Variants in FAM228A observed in about 807,000 individuals in gnomAD.
FAM228A encodes the protein protein FAM228A.
Under a neutral mutation model 18.6 loss-of-function variants are expected in FAM228A, and 13 were observed. The ratio of observed to expected loss-of-function variants is 0.70; its 90% confidence interval spans 0.45 to 1.11. The LOEUF (loss-of-function observed/expected upper bound fraction) is 1.11, where lower values mean the gene tolerates loss of function less well. Among genes scored for constraint, FAM228A ranks in the 50% least tolerant of loss-of-function variants. The pLI, the probability that FAM228A is intolerant of heterozygous loss-of-function variation, is 0.00. For synonymous variants in FAM228A, 77 were observed against 86.6 expected (o/e 0.89, Z 0.61); for missense variants, 240 against 242.2 (o/e 0.99, Z 0.06).
chr2:24,180,084 T>C (rs1160260654), intron 3 of FAM228A, among the ~76,000 whole-genome samples: 1 of 152,172 alleles, frequency 6.6e-6, no homozygotes, highest in African/African-American at 2.4e-5. Context: ...GTCTCTCTAT[T>C]TGCAGTATCA....
chr2:24,179,029 T>A (rs995033050), intron 3 of FAM228A: 8 of 495,434 alleles, frequency 1.6e-5, no homozygotes, highest in African/African-American at 8.5e-5. Context: ...AGAGAACAAA[T>A]TTTTTTTTCC....
At chr2:24,185,995 A>G (rs529963085) in intron 5 of FAM228A, among the ~76,000 whole-genome samples, 3 of 152,234 alleles carry the variant, frequency 2.0e-5, no homozygotes, top group Non-Finnish European at 2.9e-5. Context: ...CATTTCATCT[A>G]TAGAGTCTTT....
chr2:24,182,273 C>T (rs1336369780), intron 3 of FAM228A, among the ~76,000 whole-genome samples: 1 of 152,180 alleles, frequency 6.6e-6, no homozygotes, highest in Non-Finnish European at 1.5e-5. Context: ...ATGTATGGCT[C>T]TGAAGATGGA....
chr2:24,187,012 T>C (rs938946682), intron 5 of FAM228A, among the ~76,000 whole-genome samples: 1 of 152,126 alleles, frequency 6.6e-6, no homozygotes, highest in Non-Finnish European at 1.5e-5. Context: ...ATGTAGAGAG[T>C]GCAACACATT....
intron 5 of FAM228A, among the ~76,000 whole-genome samples, chr2:24,186,519 A>C (rs1459271703): frequency 6.6e-6 from 1 of 152,104 alleles, no homozygotes; most frequent in Non-Finnish European, 1.5e-5. Flanking sequence ...AAGTTAAGGA[A>C]GTTCATTTTC....
At chr2:24,175,955 T>A in intron 2 of FAM228A, 1 of 1,024,644 alleles carries the variant, frequency 9.8e-7, no homozygotes, top group South Asian at 3.9e-5. Context: ...TCTTGGAAAT[T>A]TCCTTTCTTT....
chr2:24,184,472 A>G (rs1174753507), intron 5 of FAM228A, among the ~76,000 whole-genome samples: 7 of 150,764 alleles, frequency 4.6e-5, no homozygotes, highest in African/African-American at 1.7e-4. Flanking sequence ...GCTTTTGCTC[A>G]CCATTATGTT....
chr2:24,177,770 T>G (rs770275431), intron 2 of FAM228A, 32 bp from the exon 3 acceptor site: 1 of 1,271,614 alleles, frequency 7.9e-7, no homozygotes, highest in Non-Finnish European at 1.1e-6. Flanking sequence ...TCTTCAGGAT[T>G]CACATCTTAA....
Position 24,179,109 on chromosome 2 carries a change from A to G in FAM228A, c.162+1239A>G, listed in dbSNP as rs776317253. 6 of 1,016,360 alleles carry G rather than the reference A, an allele frequency of 5.9e-6. No individual in the cohort carries two copies. The East Asian group carries it at 2.9e-4, about 50-fold the overall frequency. 63.0% of individuals were successfully genotyped at this position (1,016,360 alleles called of 1,614,324 possible). On this transcript the variant is annotated intron_variant, in intron 3 of 5. Transcript: ENST00000295150. ...TTTTCCTTTTTTGTATCACTTCACTAGAGATTGGATATGTATTTTCAGCAT... is the reference window on the plus strand; with the variant it reads ...TTTTCCTTTTTTGTATCACTTCACTGGAGATTGGATATGTATTTTCAGCAT...
At chr2:24,176,354 A>T (rs944670528) in intron 2 of FAM228A, 12 of 198,168 alleles carry the variant, frequency 6.1e-5, no homozygotes, top group African/African-American at 1.0e-4. Context: ...CATTTTAATT[A>T]AAAAAAATAT....
At chr2:24,180,117 G>A (rs1214907435) in intron 3 of FAM228A, among the ~76,000 whole-genome samples, 1 of 151,826 alleles carries the variant, frequency 6.6e-6, no homozygotes, top group Non-Finnish European at 1.5e-5. Context: ...TTAGCTTTAG[G>A]TGTGCACTAC....
chr2:24,179,418 C>A (rs1371606358), intron 3 of FAM228A: 2 of 190,368 alleles, frequency 1.1e-5, no homozygotes, highest in Non-Finnish European at 2.2e-5. Flanking sequence ...TGAATTGTAA[C>A]ACACGTATTG....
chr2:24,179,256 A>G, intron 3 of FAM228A: 1 of 611,754 alleles, frequency 1.6e-6, no homozygotes, highest in South Asian at 2.9e-5. Context: ...CTTAAAATGA[A>G]ACGAGAATGT....
chr2:24,175,791 C>T, intron 2 of FAM228A: 1 of 870,126 alleles, frequency 1.1e-6, no homozygotes. Flanking sequence ...CGGGGGCGGG[C>T]AGCCGGGCGG....
Position 24,177,878 on chromosome 2 carries a change from T to C in FAM228A, c.162+8T>C, listed in dbSNP as rs373923259. ...GAAAATTCCATTGTGAAGGTAAGAGTTGGCTCCACGCTGCATTCTACATAT... is the reference window on the plus strand; with the variant it reads ...GAAAATTCCATTGTGAAGGTAAGAGCTGGCTCCACGCTGCATTCTACATAT... On this transcript the variant is annotated splice_region_variant and intron_variant, in intron 3 of 5. Coordinates refer to ENST00000295150, the MANE Select transcript of FAM228A (RefSeq NM_001040710.3). 178 of 1,588,082 alleles carry C rather than the reference T, an allele frequency of 1.1e-4. No homozygotes were observed. Among genetic ancestry groups the C allele is most frequent in the Non-Finnish European group, 1.5e-4 (175 of 1,159,038 alleles).
chr2:24,183,137 A>G, intron 3 of FAM228A, 148 bp from the exon 4 acceptor site: 1 of 622,556 alleles, frequency 1.6e-6, no homozygotes, highest in Non-Finnish European at 2.9e-6. Flanking sequence ...AGAGTCCCGA[A>G]TAGGTCGTTT....
chr2:24,181,912 A>G (rs1425135704), intron 3 of FAM228A, among the ~76,000 whole-genome samples: 2 of 152,200 alleles, frequency 1.3e-5, no homozygotes, highest in East Asian at 3.8e-4. Context: ...CACTGTGCAC[A>G]AGGCATGGAT....
intron 4 of FAM228A, 60 bp downstream of exon 4, chr2:24,183,432 A>G: frequency 1.2e-6 from 2 of 1,609,650 alleles, no homozygotes; most frequent in Non-Finnish European, 1.7e-6. Flanking sequence ...GTGATTTCTC[A>G]CTCCTTCAAG....
chr2:24,175,787 C>G, intron 2 of FAM228A: 1 of 833,470 alleles, frequency 1.2e-6, no homozygotes. Flanking sequence ...CCGACGGGGG[C>G]GGGCAGCCGG....
Sources: gnomAD v4.1 joint callset for allele counts (sites outside exome capture counted in the v4.1 genomes callset) on GRCh38, gnomAD v4.1.1 for gene constraint, MANE v1.5 for transcripts, NCBI Gene and HGNC (gene_info 2026-07-23, HGNC 2026-07-21) for gene names.